NBAS: variants seen among roughly 807,000 people sequenced by gnomAD.
NBAS encodes NBAS subunit of NRZ tethering complex.
NBAS carries 219 observed loss-of-function variants against 302.5 expected under a neutral mutation model. That is an observed-to-expected ratio of 0.72 (90% CI 0.65 to 0.81). The LOEUF (loss-of-function observed/expected upper bound fraction) is 0.81. Among genes scored for constraint, NBAS ranks in the 30% least tolerant of loss-of-function variants. The pLI is 0.00. For synonymous variants in NBAS, 1,118 were observed against 1,021.6 expected, an observed-to-expected ratio of 1.09 and a Z score of -1.80; for missense variants, 2,932 against 2,841.6, an observed-to-expected ratio of 1.03 and a Z score of -0.72.
the NBAS span, among the ~76,000 whole-genome samples, chr2:14,922,403 TGACTCAAAAACA>T: frequency 4.8e-4 from 73 of 152,286 alleles, no homozygotes; most frequent in African/African-American, 1.7e-3. Flanking sequence ...CACAGACTAG[TGACTCAAAAACA>T]GACATCTCTT....
the NBAS span, among the ~76,000 whole-genome samples, chr2:14,979,269 T>C: frequency 1.3e-5 from 2 of 152,224 alleles, no homozygotes; most frequent in South Asian, 4.1e-4. Context: ...AGATAGCTTT[T>C]CTCAAGTATT....
chr2:15,005,341 T>A, the NBAS span, among the ~76,000 whole-genome samples: 565 of 152,376 alleles, frequency 3.7e-3, 18 homozygotes, highest in East Asian at 0.089. Context: ...TTCTATGAGT[T>A]TGACTATTTT....
At chr2:15,223,387 G>A (rs1667031959) in intron 47 of NBAS, among the ~76,000 whole-genome samples, 1 of 151,020 alleles carries the variant, frequency 6.6e-6, no homozygotes, top group Non-Finnish European at 1.5e-5. Context: ...AAGATTAACA[G>A]GTAAAAAACC....
intron 9 of NBAS, among the ~76,000 whole-genome samples, chr2:15,531,116 T>C (rs1207707766): frequency 6.6e-6 from 1 of 152,216 alleles, no homozygotes; most frequent in African/African-American, 2.4e-5. Flanking sequence ...AAAGCCATTT[T>C]CAGATATGCA....
the NBAS span, among the ~76,000 whole-genome samples, chr2:14,784,675 T>C: frequency 6.6e-6 from 1 of 152,310 alleles, no homozygotes; most frequent in African/African-American, 2.4e-5. Context: ...TCCATTGATA[T>C]ATATCTCTGT....
the NBAS span, among the ~76,000 whole-genome samples, chr2:14,795,474 CATAT>C: frequency 3.9e-4 from 57 of 147,842 alleles, no homozygotes; most frequent in African/African-American, 1.5e-3. Flanking sequence ...CAAGATTTTA[CATAT>C]ATATATATAT....
chr2:15,247,769 C>T (rs1210340091), intron 44 of NBAS, among the ~76,000 whole-genome samples: 3 of 96,698 alleles, frequency 3.1e-5, no homozygotes, highest in African/African-American at 2.4e-4. Flanking sequence ...TAAAATCCAT[C>T]ACATAAAGAG....
chr2:15,410,396 T>C (rs977935814), intron 25 of NBAS, among the ~76,000 whole-genome samples: 1 of 152,198 alleles, frequency 6.6e-6, no homozygotes, highest in African/African-American at 2.4e-5. Flanking sequence ...CTGCAACTTC[T>C]CACAGGTTCA....
intron 21 of NBAS, among the ~76,000 whole-genome samples, chr2:15,443,793 A>G (rs1203788044): frequency 6.6e-6 from 1 of 152,062 alleles, no homozygotes; most frequent in Admixed American, 6.5e-5. Flanking sequence ...CTGATAAGCA[A>G]CTTCAGCAAA....
chr2:14,926,556 G>A, the NBAS span, among the ~76,000 whole-genome samples: 27 of 152,018 alleles, frequency 1.8e-4, no homozygotes, highest in Non-Finnish European at 2.9e-4. Context: ...TAAAAGAGAG[G>A]TTTTTTCATC....
At chr2:14,976,748 A>G in the NBAS span, among the ~76,000 whole-genome samples, 9 of 152,192 alleles carry the variant, frequency 5.9e-5, no homozygotes, top group African/African-American at 2.2e-4. Context: ...TGCAAGAGAC[A>G]GGAAAAGAGG....
At chr2:15,078,086 C>A in the NBAS span, among the ~76,000 whole-genome samples, 1 of 152,088 alleles carries the variant, frequency 6.6e-6, no homozygotes, top group African/African-American at 2.4e-5. Context: ...GGATGTAGGG[C>A]CAAGCATATG....
chr2:15,159,426 T>C, the NBAS span, among the ~76,000 whole-genome samples: 16 of 147,624 alleles, frequency 1.1e-4, no homozygotes, highest in Non-Finnish European at 2.2e-4. Flanking sequence ...TACAAAAGAG[T>C]AGCATTCAGC....
chr2:15,225,286 C>T lies in NBAS; in HGVS notation c.6237-6318G>A, dbSNP rs907385158. On this transcript the variant is annotated intron_variant, in intron 47 of 51. Coordinates refer to ENST00000281513, the MANE Select transcript of NBAS (RefSeq NM_015909.4). Reference sequence around the variant, plus strand: ...TTGCTGTAACATGGCAGAGTGGATACTCATAAATATGGCCTGAAGTGATAC... The same window carrying T: ...TTGCTGTAACATGGCAGAGTGGATATTCATAAATATGGCCTGAAGTGATAC... Among the ~76,000 whole-genome samples the T allele has an allele frequency of 2.0e-5, 3 of 152,160 alleles. No homozygotes were observed. The East Asian group carries it at 5.8e-4, about 29-fold the overall frequency.
Position 15,461,287 on chromosome 2 carries a change from G to A in NBAS, c.2253C>T (p.Asp751=). ...GAATTGCAAGGCGATGAGGAAGCAG[G>A]TCGGAACCATGGTAAGTAAACAGAA... is the stretch of plus-strand genomic sequence containing the variant. ...LEILFTYHGS[D]LLPHRLAILS... Residue 751 remains aspartate, a synonymous_variant, in exon 21 of 52, where the codon GAC becomes GAT. Coordinates refer to ENST00000281513, the MANE Select transcript of NBAS (RefSeq NM_015909.4). 1.9e-6 allele frequency: 3 copies of A among 1,613,292 alleles called. No individual in the cohort carries two copies. Among genetic ancestry groups the A allele is most frequent in the Non-Finnish European group, 2.5e-6 (3 of 1,179,288 alleles).
intron 40 of NBAS, among the ~76,000 whole-genome samples, chr2:15,304,158 A>AT (rs1290609392): frequency 1.6e-4 from 25 of 152,190 alleles, no homozygotes; most frequent in Admixed American, 6.5e-5. Flanking sequence ...CCAGATGAAG[A>AT]TAACTGAATC....
chr2:14,978,076 T>C, the NBAS span, among the ~76,000 whole-genome samples: 1 of 152,208 alleles, frequency 6.6e-6, no homozygotes, highest in Non-Finnish European at 1.5e-5. Context: ...CAAATGTCCA[T>C]ATCCTGTCTT....
chr2:14,884,552 G>C, the NBAS span, among the ~76,000 whole-genome samples: 1 of 152,180 alleles, frequency 6.6e-6, no homozygotes, highest in Non-Finnish European at 1.5e-5. Flanking sequence ...TGTGCACACA[G>C]AGATGAGAGA....
intron 28 of NBAS, among the ~76,000 whole-genome samples, chr2:15,386,203 G>T (rs952590532): frequency 1.3e-5 from 2 of 152,154 alleles, no homozygotes; most frequent in Non-Finnish European, 2.9e-5. Flanking sequence ...CCGTATAGCT[G>T]CAAGAGACAG....
Sources: gnomAD v4.1 joint callset for allele counts (sites outside exome capture counted in the v4.1 genomes callset) on GRCh38, gnomAD v4.1.1 for gene constraint, MANE v1.5 for transcripts, NCBI Gene and HGNC (gene_info 2026-07-23, HGNC 2026-07-21) for gene names.